MAGI2: variants seen among roughly 807,000 people sequenced by gnomAD.
MAGI2 encodes membrane associated guanylate kinase, WW and PDZ domain containing 2, also known as membrane-associated guanylate kinase, WW and PDZ domain-containing protein 2.
Under a neutral mutation model 133.3 loss-of-function variants are expected in MAGI2, and 35 were observed. The ratio of observed to expected loss-of-function variants is 0.26; its 90% CI spans 0.20 to 0.35. The LOEUF (loss-of-function observed/expected upper bound fraction) is 0.35. Among genes scored for constraint, MAGI2 ranks in the 10% least tolerant of loss-of-function variants. MAGI2 has a pLI of 1.00. For missense variants in MAGI2, 1,636 were observed against 1,863.4 expected (o/e 0.88, Z 2.25); for synonymous variants, 729 against 710.6 (o/e 1.03, Z -0.41).
chr7:79,018,517 C>T (rs1390226440), intron 1 of MAGI2, among the ~76,000 whole-genome samples: 1 of 152,096 alleles, frequency 6.6e-6, no homozygotes, highest in South Asian at 2.1e-4. Context: ...AGCTAACAAC[C>T]TGATGACAGG....
In MAGI2 at chr7:79,175,861, T is replaced by C. The variant is rs947948087; in HGVS notation, c.302-168655A>G. 2.6e-5 allele frequency among the ~76,000 whole-genome samples: 4 copies of C among 152,062 alleles called. 1 individual carries two copies. The highest frequency in any genetic ancestry group is 9.7e-5 in the African/African-American group (4 of 41,346). ...TCCATTGTTGACTGAAACATCATCATGCAGCACATGACTGTACAATTAAGC... is the reference window on the plus strand; with the variant it reads ...TCCATTGTTGACTGAAACATCATCACGCAGCACATGACTGTACAATTAAGC... On this transcript the variant is annotated intron_variant, in intron 1 of 21. Transcript: ENST00000354212.
intron 2 of MAGI2, among the ~76,000 whole-genome samples, chr7:78,639,869 G>C (rs929778636): frequency 1.3e-5 from 2 of 152,108 alleles, no homozygotes; most frequent in African/African-American, 4.8e-5. Context: ...AAAGTGACTT[G>C]TTCAAATCAA....
At chr7:78,128,973 G>C (rs1451153023) in intron 18 of MAGI2, among the ~76,000 whole-genome samples, 1 of 152,162 alleles carries the variant, frequency 6.6e-6, no homozygotes, top group East Asian at 1.9e-4. Context: ...AATTAAACTG[G>C]GTGACATTTG....
At chr7:78,331,587 T>G (rs1469076541) in intron 9 of MAGI2, among the ~76,000 whole-genome samples, 1 of 152,184 alleles carries the variant, frequency 6.6e-6, no homozygotes, top group Non-Finnish European at 1.5e-5. Context: ...ACTAATATAG[T>G]CACAGCCAAC....
chr7:78,718,349 G>A (rs963939697), intron 2 of MAGI2, among the ~76,000 whole-genome samples: 3 of 152,130 alleles, frequency 2.0e-5, no homozygotes, highest in Non-Finnish European at 4.4e-5. Flanking sequence ...CAACCCCTGG[G>A]CCATGGACTG....
chr7:79,140,555 G>A (rs1239319042), intron 1 of MAGI2, among the ~76,000 whole-genome samples: 2 of 151,972 alleles, frequency 1.3e-5, no homozygotes, highest in Admixed American at 6.6e-5. Flanking sequence ...AATATGGAAA[G>A]GACGATGAAA....
intron 1 of MAGI2, among the ~76,000 whole-genome samples, chr7:79,205,913 T>A (rs550128717): frequency 6.7e-6 from 1 of 148,756 alleles, no homozygotes; most frequent in East Asian, 2.0e-4. Flanking sequence ...TCAAAACATA[T>A]CAATTAAAAA....
At chr7:78,074,865 A>T in intron 21 of MAGI2, among the ~76,000 whole-genome samples, 1 of 152,158 alleles carries the variant, frequency 6.6e-6, no homozygotes, top group Non-Finnish European at 1.5e-5. Flanking sequence ...AGATGTGGCC[A>T]CTTCTCTGGC....
intron 9 of MAGI2, among the ~76,000 whole-genome samples, chr7:78,272,748 G>A (rs1025874382): frequency 2.2e-4 from 33 of 152,034 alleles, no homozygotes; most frequent in African/African-American, 7.5e-4. Flanking sequence ...TTTTATCAGC[G>A]ACTAGGATTG....
At chr7:79,387,094 T>TTGTG (rs3050633) in intron 1 of MAGI2, among the ~76,000 whole-genome samples, 2,446 of 141,562 alleles carry the variant, frequency 0.017, 38 homozygotes, top group South Asian at 0.061. Context: ...ATTTTTATGC[T>TTGTG]TGTGTGTGTG....
At chr7:78,955,458 C>G (rs1802220499) in intron 2 of MAGI2, among the ~76,000 whole-genome samples, 1 of 151,848 alleles carries the variant, frequency 6.6e-6, no homozygotes, top group Admixed American at 6.6e-5. Context: ...GTACATATTA[C>G]AAAAAGGAAA....
intron 2 of MAGI2, among the ~76,000 whole-genome samples, chr7:78,955,721 T>TTC (rs1298892022): frequency 2.0e-5 from 2 of 100,142 alleles, no homozygotes; most frequent in African/African-American, 8.1e-5. Flanking sequence ...TTTTCTTTCT[T>TTC]TCTCTTTCTT....
rs1334507528 is a variant in MAGI2, at chr7:79,186,436, T to G, written c.302-179230A>C. On this transcript the variant is annotated intron_variant, in intron 1 of 21. Transcript: ENST00000354212. ...CAATTTTGCTAACAATCTTACAGGATTTATGGTTGAAATTATGTCACATCA... is the reference window on the plus strand; with the variant it reads ...CAATTTTGCTAACAATCTTACAGGAGTTATGGTTGAAATTATGTCACATCA... Among the ~76,000 whole-genome samples, 10 of 148,894 alleles carry G rather than the reference T, an allele frequency of 6.7e-5. No individual in the cohort carries two copies. The Admixed American group carries it at 6.7e-4, about 10-fold the overall frequency.
chr7:78,655,574 A>C (rs920793174), intron 2 of MAGI2, among the ~76,000 whole-genome samples: 5 of 151,344 alleles, frequency 3.3e-5, no homozygotes, highest in Non-Finnish European at 7.4e-5. Context: ...CGGCATCACC[A>C]GAAGGGAATG....
At chr7:79,371,164 A>G (rs1431413622) in intron 1 of MAGI2, among the ~76,000 whole-genome samples, 1 of 152,122 alleles carries the variant, frequency 6.6e-6, no homozygotes, top group African/African-American at 2.4e-5. Context: ...TTATTCCTCT[A>G]CATTTTTTTA....
chr7:78,901,117 T>C (rs1797590304), intron 2 of MAGI2, among the ~76,000 whole-genome samples: 1 of 152,208 alleles, frequency 6.6e-6, no homozygotes, highest in Non-Finnish European at 1.5e-5. Flanking sequence ...CCAGCATTTG[T>C]GTTTTCATGA....
In MAGI2 at chr7:78,978,646, A is replaced by T. The variant is rs998213402; in HGVS notation, c.418+28444T>A. Among the ~76,000 whole-genome samples the T allele has an allele frequency of 3.9e-5, 6 of 152,028 alleles. No homozygotes were observed. In the South Asian group the frequency reaches 1.2e-3, roughly 32 times the overall value. Reference sequence around the variant, plus strand: ...ATGAATCTTAATCCATGCCAATTAAACAAATAATTAAGTAGGTCAGAGGAT... The same window carrying T: ...ATGAATCTTAATCCATGCCAATTAATCAAATAATTAAGTAGGTCAGAGGAT... On this transcript the variant is annotated intron_variant, in intron 2 of 21. Transcript: ENST00000354212.
At chr7:79,239,619 G>C (rs1334299323) in intron 1 of MAGI2, among the ~76,000 whole-genome samples, 1 of 152,142 alleles carries the variant, frequency 6.6e-6, no homozygotes, top group Non-Finnish European at 1.5e-5. Flanking sequence ...CTGACATCTA[G>C]AAATGGACTT....
At position 79,000,675 on chromosome 7, in the gene MAGI2, G is replaced by A. The variant is rs114676965; in HGVS notation, c.418+6415C>T. On this transcript the variant is annotated intron_variant, in intron 2 of 21. Transcript: ENST00000354212. ...GATGGTTTCTCATAATTTTTGAAGA[G>A]CCTGCTTTTCTGTGAAACAAATTTG... Among the ~76,000 whole-genome samples, 349 of 152,132 alleles carry A rather than the reference G, an allele frequency of 2.3e-3. 1 individual carries two copies. The highest frequency in any genetic ancestry group is 8.2e-3 in the African/African-American group (341 of 41,510).
Sources: allele counts gnomAD v4.1 joint callset (sites outside exome capture counted in the v4.1 genomes callset), GRCh38; gene constraint gnomAD v4.1.1; transcripts MANE v1.5; gene names NCBI Gene and HGNC (gene_info 2026-07-23, HGNC 2026-07-21).